The following NLRP3 variants were observed in gnomAD, a reference collection of about 807,000 sequenced individuals.
NLRP3 encodes the protein NLR family pyrin domain containing 3, also known as NACHT, LRR and PYD domains-containing protein 3.
Under a neutral mutation model 91.3 loss-of-function variants are expected in NLRP3, and 48 were observed. The ratio of observed to expected loss-of-function variants is 0.53; its 90% CI spans 0.42 to 0.67. The LOEUF (loss-of-function observed/expected upper bound fraction) is 0.67, where lower values mean the gene tolerates loss of function less well. Among genes scored for constraint, NLRP3 ranks in the 30% least tolerant of loss-of-function variants. The probability of loss-of-function intolerance (pLI) is 0.00; values close to 1 mark genes in which losing one functional copy is unlikely to be tolerated. For missense variants in NLRP3, 982 were observed against 1,276.9 expected (o/e 0.77, Z 3.52); for synonymous variants, 561 against 507.9 (o/e 1.10, Z -1.41).
Position 247,424,154 on chromosome 1 carries a change from G to A in NLRP3, c.705G>A (p.Arg235=), listed in dbSNP as rs777071745. The A allele has an allele frequency of 6.2e-7, 1 of 1,614,076 alleles. No individual in the cohort carries two copies. The highest frequency in any genetic ancestry group is 8.5e-7 in the Non-Finnish European group (1 of 1,180,030). ...GGATTGGGAAAACAATCCTGGCCAG[G>A]AAGATGATGTTGGACTGGGCGTCGG... ...AAGIGKTILA[R]KMMLDWASGT... Residue 235 remains arginine, a synonymous_variant, in exon 4 of 10, where the codon AGG becomes AGA. Coordinates refer to ENST00000336119, the MANE Select transcript of NLRP3 (RefSeq NM_001243133.2). The surrounding 1 kb of genome is among the most constrained non-coding windows in gnomAD (Gnocchi z 8.1).
In NLRP3 at chr1:247,444,222, G is replaced by C. The variant is rs1664442340; in HGVS notation, c.2834+80G>C. 6.5e-6 allele frequency: 9 copies of C among 1,395,030 alleles called. No homozygotes were observed. In the East Asian group the frequency reaches 1.8e-4, roughly 28 times the overall value. 86.4% of individuals were successfully genotyped at this position (1,395,030 alleles called of 1,614,324 possible). Reference sequence around the variant, plus strand: ...GGACGTTTAGGCAGAGTGGCCACAAGATAATCTGTATCTTAGAAGTGAGGT... The same window carrying C: ...GGACGTTTAGGCAGAGTGGCCACAACATAATCTGTATCTTAGAAGTGAGGT... On this transcript the variant is annotated intron_variant, in intron 8 of 9. Coordinates refer to ENST00000336119, the MANE Select transcript of NLRP3 (RefSeq NM_001243133.2).
chr1:247,417,289 C>G (rs752320121), intron 1 of NLRP3, among the ~76,000 whole-genome samples: 1 of 152,114 alleles, frequency 6.6e-6, no homozygotes, highest in African/African-American at 2.4e-5. Flanking sequence ...CCCCCTAAGA[C>G]TCAGTTTATG....
chr1:247,434,696 T>A (rs1441376816), intron 6 of NLRP3, among the ~76,000 whole-genome samples: 1 of 152,122 alleles, frequency 6.6e-6, no homozygotes, highest in Non-Finnish European at 1.5e-5. Flanking sequence ...GACTTGCATT[T>A]TGAAGGAGAG....
Position 247,418,805 on chromosome 1 carries a change from C to A in NLRP3, c.5C>A (p.Ala2Glu). M[A>E]STRCKLARYL... Reference sequence around the variant, plus strand: ...TGAAAACAGCTGCAGATGAAGATGGCAAGCACCCGCTGCAAGCTGGCCAGG... The same window carrying A: ...TGAAAACAGCTGCAGATGAAGATGGAAAGCACCCGCTGCAAGCTGGCCAGG... Residue 2 changes from alanine to glutamate, a missense_variant, in exon 2 of 10, where the codon GCA becomes GAA. Ala to Glu is a moderately radical substitution (Grantham distance 107). Transcript: ENST00000336119. The A allele has an allele frequency of 1.2e-6, 2 of 1,613,772 alleles. No individual in the cohort carries two copies. Among genetic ancestry groups the A allele is most frequent in the African/African-American group, 2.7e-5 (2 of 75,014 alleles).
chr1:247,422,974 G>A (rs1662571905), intron 2 of NLRP3, among the ~76,000 whole-genome samples: 1 of 152,194 alleles, frequency 6.6e-6, no homozygotes, highest in African/African-American at 2.4e-5. Flanking sequence ...CCAGGCCTGA[G>A]GAAGAGATTC....
At chr1:247,433,820 G>A (rs113788854) in intron 5 of NLRP3, among the ~76,000 whole-genome samples, 39 of 135,470 alleles carry the variant, frequency 2.9e-4, no homozygotes, top group African/African-American at 1.0e-3. Context: ...GGTGTGTCCT[G>A]ATGCTTTCTC....
At chr1:247,435,221 G>A (rs116748199) in intron 6 of NLRP3, among the ~76,000 whole-genome samples, 260 of 152,124 alleles carry the variant, frequency 1.7e-3, no homozygotes, top group Non-Finnish European at 3.1e-3. Context: ...CTGTACTCCC[G>A]CCTGGGTGAC....
chr1:247,443,902 G>A, intron 7 of NLRP3, 70 bp from the exon 8 acceptor site: 1 of 1,498,176 alleles, frequency 6.7e-7, no homozygotes, highest in Non-Finnish European at 9.3e-7. Context: ...ACGAGGCACT[G>A]AGTCAAAGCA....
chr1:247,420,533 G>A (rs866775876), intron 2 of NLRP3, among the ~76,000 whole-genome samples: 1 of 151,994 alleles, frequency 6.6e-6, no homozygotes, highest in Admixed American at 6.6e-5. Flanking sequence ...GGCCAACATG[G>A]CAAAACCCCA....
rs1340866938 is a variant in NLRP3 at position 247,425,877 on chromosome 1, A to G, written c.2150+278A>G. The G allele has an allele frequency of 8.8e-6, 4 of 456,168 alleles. No individual in the cohort carries two copies. Among genetic ancestry groups the G allele is most frequent in the South Asian group, 8.8e-5 (4 of 45,710 alleles). The allele number at this position is 456,168 out of a possible 1,614,324, so 28.3% of individuals were successfully genotyped here. ...TAAGTAGGATGTAGGATTGCCTACAAATATTTGTCAACTGAAATTTCTTGT... is the reference window on the plus strand; with the variant it reads ...TAAGTAGGATGTAGGATTGCCTACAGATATTTGTCAACTGAAATTTCTTGT... On this transcript the variant is annotated intron_variant, in intron 4 of 9. Transcript: ENST00000336119. This position sits in a 1 kb window ranked among gnomAD's most constrained non-coding sequence, Gnocchi z 4.1.
chr1:247,446,451 C>T (rs901659332), intron 9 of NLRP3, among the ~76,000 whole-genome samples: 18 of 152,214 alleles, frequency 1.2e-4, no homozygotes, highest in East Asian at 1.9e-4. Flanking sequence ...CTCCTGCTTC[C>T]GAAGATTCCG....
At chr1:247,427,037 G>A (rs1301748910) in intron 4 of NLRP3, among the ~76,000 whole-genome samples, 2 of 152,322 alleles carry the variant, frequency 1.3e-5, no homozygotes, top group East Asian at 1.9e-4. Context: ...TGGCTTATAA[G>A]CAAAAGGAAG....
intron 6 of NLRP3, among the ~76,000 whole-genome samples, chr1:247,434,652 G>A (rs1241671113): frequency 6.6e-6 from 1 of 152,182 alleles, no homozygotes; most frequent in African/African-American, 2.4e-5. Context: ...GACCCTCGAT[G>A]TTGTATGCAG....
chr1:247,428,654 AAAT>A (rs1663081212), intron 4 of NLRP3, among the ~76,000 whole-genome samples: 1 of 73,008 alleles, frequency 1.4e-5, no homozygotes, highest in Non-Finnish European at 4.6e-5. Context: ...GGCTTTTTTT[AAAT>A]AAAAAAGATC....
chr1:247,444,855 A>C (rs756309194), intron 9 of NLRP3, 34 bp downstream of exon 9: 8 of 1,607,634 alleles, frequency 5.0e-6, no homozygotes, highest in Non-Finnish European at 6.0e-6. Context: ...CCGTGGTGGG[A>C]CTCTGAGTTC....
At chr1:247,423,386 A>C in intron 3 of NLRP3, 37 bp downstream of exon 3, 1 of 1,613,044 alleles carries the variant, frequency 6.2e-7, no homozygotes, top group Non-Finnish European at 8.5e-7. Context: ...TTGAGTTTTA[A>C]GACCTGGTTC....
intron 1 of NLRP3, among the ~76,000 whole-genome samples, chr1:247,416,414 G>A (rs2103075929): frequency 6.6e-6 from 1 of 152,304 alleles, no homozygotes; most frequent in Non-Finnish European, 1.5e-5. Context: ...GAAGCGGGGA[G>A]GACAGCGGCA....
chr1:247,434,312 G>A (rs201858222), intron 6 of NLRP3, 39 bp downstream of exon 6: 48 of 1,611,880 alleles, frequency 3.0e-5, no homozygotes, highest in Non-Finnish European at 3.7e-5. Context: ...TTCTGCCAGC[G>A]AGGCGTGCTG....
chr1:247,429,993 G>T (rs1159065096), intron 5 of NLRP3, among the ~76,000 whole-genome samples: 4 of 152,044 alleles, frequency 2.6e-5, no homozygotes, highest in Non-Finnish European at 4.4e-5. Context: ...TCCTGCCTCA[G>T]CCTCCTGAGT....
Sources: gnomAD v4.1 joint callset for allele counts (sites outside exome capture counted in the v4.1 genomes callset) on GRCh38, gnomAD v4.1.1 for gene constraint, Gnocchi (gnomAD v3.1) non-coding constraint, MANE v1.5 for transcripts, NCBI Gene and HGNC (gene_info 2026-07-23, HGNC 2026-07-21) for gene names.